The following FBN1 variants were observed in gnomAD, a reference collection of about 807,000 sequenced individuals.
The protein encoded by FBN1 is fibrillin-1.
In FBN1, 29 loss-of-function variants were observed where a neutral mutation model predicts 365.1. The observed-to-expected ratio is 0.08, with a 90% CI of 0.06 to 0.11. FBN1 has a LOEUF of 0.11. Ranked by LOEUF, FBN1 falls within the 10% of genes least tolerant of loss-of-function variation. The probability of loss-of-function intolerance (pLI) is 1.00; values close to 1 mark genes in which losing one functional copy is unlikely to be tolerated. For missense variants in FBN1, 2,476 were observed against 3,703.2 expected, an observed-to-expected ratio of 0.67 and a Z score of 8.60; for synonymous variants, 1,210 against 1,270.5, an observed-to-expected ratio of 0.95 and a Z score of 1.01.
chr15:48,575,066 C>A (rs1428436279), intron 6 of FBN1, among the ~76,000 whole-genome samples: 1 of 152,132 alleles, frequency 6.6e-6, no homozygotes, highest in Admixed American at 6.6e-5. Context: ...AGATTAGAGA[C>A]GGGAAATAGT....
In FBN1 at chr15:48,516,265, A is replaced by T; in HGVS notation, c.1245T>A (p.Val415=). The change falls in exon 11 of 66, where the codon GTT becomes GTA. Residue 415 remains valine, a synonymous_variant. Transcript: ENST00000316623. The part of the protein sequence containing the change: ...PLGPIPPVLP[V]PPGFPPGPQI... The stretch of plus-strand genomic sequence containing the variant: ...GAGGTCCAGGAGGAAAGCCAGGAGG[A>T]ACAGGGAGAACTGGAGGAATGGGGC... The T allele has an allele frequency of 6.2e-7, 1 of 1,613,906 alleles. No homozygotes were observed. Among genetic ancestry groups the T allele is most frequent in the Middle Eastern group, 1.7e-4 (1 of 6,038 alleles).
At chr15:48,566,171 G>T (rs747804294) in intron 6 of FBN1, among the ~76,000 whole-genome samples, 1 of 152,184 alleles carries the variant, frequency 6.6e-6, no homozygotes, top group Non-Finnish European at 1.5e-5. Context: ...GCTGAAGGCT[G>T]AGGATACAGC....
At chr15:48,539,900 T>A (rs2044044852) in intron 6 of FBN1, among the ~76,000 whole-genome samples, 1 of 152,212 alleles carries the variant, frequency 6.6e-6, no homozygotes, top group Non-Finnish European at 1.5e-5. Context: ...TATGCCAGAT[T>A]TATTCAAAAC....
At chr15:48,537,407 G>A (rs1444743372) in intron 7 of FBN1, among the ~76,000 whole-genome samples, 1 of 152,200 alleles carries the variant, frequency 6.6e-6, no homozygotes, top group Non-Finnish European at 1.5e-5. Context: ...AAGGGGGAAT[G>A]GTTGGCAAGA....
chr15:48,466,113 T>G (rs1377522746), intron 38 of FBN1, among the ~76,000 whole-genome samples: 2 of 152,232 alleles, frequency 1.3e-5, no homozygotes, highest in African/African-American at 4.8e-5. Context: ...CTTACATGTG[T>G]GTGGACTGTT....
At chr15:48,498,074 A>G (rs936895215) in intron 18 of FBN1, among the ~76,000 whole-genome samples, 1 of 141,424 alleles carries the variant, frequency 7.1e-6, no homozygotes, top group Non-Finnish European at 1.5e-5. Flanking sequence ...GTACCCTCAC[A>G]ACTGAGGAGG....
At chr15:48,618,523 C>A (rs1386002284) in intron 2 of FBN1, among the ~76,000 whole-genome samples, 1 of 152,162 alleles carries the variant, frequency 6.6e-6, no homozygotes, top group East Asian at 1.9e-4. Flanking sequence ...CTGTTACAGT[C>A]CATCTGCCAG....
intron 2 of FBN1, among the ~76,000 whole-genome samples, chr15:48,627,482 T>C (rs145728890): frequency 4.7e-4 from 71 of 152,326 alleles, no homozygotes; most frequent in African/African-American, 1.6e-3. Flanking sequence ...AGAGCTGGCA[T>C]TGGAATGTGT....
In FBN1 at chr15:48,506,108, A is replaced by G. The variant is rs187402338; in HGVS notation, c.1838-961T>C. Reference sequence around the variant, plus strand: ...CATGATGGCATGCGGCTATAATCCCAGCAACTTGGGAGGCTGAGGCGCAAG... The same window carrying G: ...CATGATGGCATGCGGCTATAATCCCGGCAACTTGGGAGGCTGAGGCGCAAG... On this transcript the variant is annotated intron_variant, in intron 15 of 65. Coordinates refer to ENST00000316623, the MANE Select transcript of FBN1 (RefSeq NM_000138.5). Among the ~76,000 whole-genome samples the G allele has an allele frequency of 7.0e-4, 107 of 152,312 alleles. 1 individual carries two copies. The highest frequency in any genetic ancestry group is 2.2e-3 in the African/African-American group (93 of 41,560).
chr15:48,474,017 G>T (rs1369601843), intron 34 of FBN1, among the ~76,000 whole-genome samples: 3 of 152,000 alleles, frequency 2.0e-5, no homozygotes, highest in African/African-American at 7.3e-5. Context: ...TGTGATAATG[G>T]CACCTAAATA....
intron 24 of FBN1, among the ~76,000 whole-genome samples, chr15:48,492,246 G>GTTT (rs1163631884): frequency 6.6e-6 from 1 of 152,206 alleles, no homozygotes; most frequent in Non-Finnish European, 1.5e-5. Flanking sequence ...TGTGATGCTA[G>GTTT]TGATTTAAGG....
Position 48,635,523 on chromosome 15 carries a change from C to T in FBN1, c.164+9083G>A, listed in dbSNP as rs529535794. ...AACCTATTTTTACTTATTAGTATAA[C>T]CCCTAATTTAAAAAATTGAGGTGGA... On this transcript the variant is annotated intron_variant, in intron 2 of 65. Transcript: ENST00000316623. Among the ~76,000 whole-genome samples the T allele has an allele frequency of 3.3e-5, 5 of 152,210 alleles. No homozygotes were observed. The South Asian group carries it at 8.3e-4, about 25-fold the overall frequency.
Position 48,540,738 on chromosome 15 carries a change from A to T in FBN1, c.539-2930T>A, listed in dbSNP as rs576706455. Among the ~76,000 whole-genome samples the T allele has an allele frequency of 2.6e-5, 4 of 152,298 alleles. No homozygotes were observed. The South Asian group carries it at 8.3e-4, about 32-fold the overall frequency. ...AAACTCTCCATGTTAGGTAACAAGA[A>T]AGAGAATTTAGGCTTGTTTCTTTCT... is the stretch of plus-strand genomic sequence containing the variant. On this transcript the variant is annotated intron_variant, in intron 6 of 65. Transcript: ENST00000316623.
At chr15:48,544,699 C>T (rs1402834244) in intron 6 of FBN1, among the ~76,000 whole-genome samples, 1 of 152,152 alleles carries the variant, frequency 6.6e-6, no homozygotes, top group Non-Finnish European at 1.5e-5. Context: ...TTATTCTGTT[C>T]CATGATGAAG....
intron 63 of FBN1, among the ~76,000 whole-genome samples, chr15:48,417,793 G>A (rs1004441835): frequency 1.3e-5 from 2 of 152,184 alleles, no homozygotes; most frequent in Non-Finnish European, 2.9e-5. Flanking sequence ...AATGAAGAAC[G>A]AAGCATATTT....
Position 48,610,723 on chromosome 15 carries a change from CT to C in FBN1, c.346+4del. On this transcript the variant is annotated splice_donor_region_variant and intron_variant, in intron 4 of 65. Transcript: ENST00000316623. ...ATATTATATATAATGACATGTTAGACTTACTGGATCTGGAGCCACAGGAAGG... is the reference window on the plus strand; with the variant it reads ...ATATTATATATAATGACATGTTAGACTACTGGATCTGGAGCCACAGGAAGG... 6.2e-7 allele frequency: 1 copy of C among 1,605,574 alleles called. No homozygotes were observed. The highest frequency in any genetic ancestry group is 8.5e-7 in the Non-Finnish European group (1 of 1,172,324).
intron 4 of FBN1, among the ~76,000 whole-genome samples, chr15:48,606,404 T>C (rs2044610200): frequency 6.6e-6 from 1 of 152,084 alleles, no homozygotes; most frequent in Non-Finnish European, 1.5e-5. Flanking sequence ...TACTCAGCAA[T>C]AAAAGATAAC....
At chr15:48,601,252 G>C (rs1185853895) in intron 4 of FBN1, among the ~76,000 whole-genome samples, 1 of 152,190 alleles carries the variant, frequency 6.6e-6, no homozygotes, top group Non-Finnish European at 1.5e-5. Flanking sequence ...AACAGCGCAG[G>C]CAAGTGCTCT....
intron 53 of FBN1, among the ~76,000 whole-genome samples, chr15:48,435,772 ATGTGTGTGTG>A (rs374043226): frequency 9.4e-6 from 1 of 106,346 alleles, no homozygotes; most frequent in Admixed American, 9.6e-5. Flanking sequence ...ATATGTGTAT[ATGTGTGTGTG>A]TGTGTGTGTG....
Sources: allele counts gnomAD v4.1 joint callset (sites outside exome capture counted in the v4.1 genomes callset), GRCh38; gene constraint gnomAD v4.1.1; transcripts MANE v1.5; gene names NCBI Gene and HGNC (gene_info 2026-07-23, HGNC 2026-07-21).